The following GDAP1 variants were observed in gnomAD, a reference collection of about 807,000 sequenced individuals.
The protein encoded by GDAP1 is ganglioside-induced differentiation-associated protein 1.
A neutral mutation model predicts 40.1 loss-of-function variants in GDAP1; 34 were observed. That is an observed-to-expected ratio of 0.85 (90% CI 0.64 to 1.13). GDAP1 has a LOEUF of 1.13. GDAP1 is among the 50% of genes most tolerant of loss of function. GDAP1 has a pLI of 0.00. For missense variants in GDAP1, 374 were observed against 433.7 expected (o/e 0.86, Z 1.22); for synonymous variants, 170 against 157.4 (o/e 1.08, Z -0.60).
intron 2 of GDAP1, among the ~76,000 whole-genome samples, chr8:74,448,774 C>T (rs1004662634): frequency 1.4e-4 from 21 of 151,932 alleles, no homozygotes; most frequent in African/African-American, 3.1e-4. Context: ...TTAAGAATTA[C>T]GTAGTCTGTT....
intron 2 of GDAP1, among the ~76,000 whole-genome samples, chr8:74,418,905 A>G (rs1439065962): frequency 6.6e-6 from 1 of 152,254 alleles, no homozygotes; most frequent in Non-Finnish European, 1.5e-5. Context: ...GAGGATATAC[A>G]GATAGCAAAT....
intron 1 of GDAP1, among the ~76,000 whole-genome samples, 190 bp downstream of exon 1, chr8:74,350,768 C>A (rs1305700636): frequency 2.6e-5 from 4 of 152,192 alleles, no homozygotes; most frequent in African/African-American, 9.6e-5. Flanking sequence ...CGGAGATGAT[C>A]CTATGTGGCT....
chr8:74,381,285 A>G (rs1284455375), intron 2 of GDAP1, among the ~76,000 whole-genome samples: 1 of 152,206 alleles, frequency 6.6e-6, no homozygotes, highest in Non-Finnish European at 1.5e-5. Context: ...TCATGGTAGC[A>G]GAGTTCGTAA....
At chr8:74,394,527 A>G (rs777417826) in intron 2 of GDAP1, among the ~76,000 whole-genome samples, 70 of 152,132 alleles carry the variant, frequency 4.6e-4, no homozygotes, top group Non-Finnish European at 8.8e-4. Flanking sequence ...TTCACTTGGT[A>G]TCCTCTCTCT....
intron 2 of GDAP1, among the ~76,000 whole-genome samples, chr8:74,353,338 G>A (rs950887477): frequency 3.7e-4 from 56 of 152,246 alleles, no homozygotes; most frequent in African/African-American, 1.3e-3. Flanking sequence ...CTAACTTGTT[G>A]AATATCTTTC....
intron 2 of GDAP1, among the ~76,000 whole-genome samples, chr8:74,413,815 C>T (rs894528364): frequency 8.1e-5 from 12 of 148,810 alleles, no homozygotes; most frequent in Non-Finnish European, 1.8e-4. Flanking sequence ...CAATAATGCC[C>T]CCAGAGGATG....
chr8:74,364,763 C>A lies in GDAP1; in HGVS notation c.*396C>A, dbSNP rs1276381358. 1.3e-5 allele frequency: 6 copies of A among 458,888 alleles called. No individual in the cohort carries two copies. The Admixed American group carries it at 1.4e-4, about 11-fold the overall frequency. 28.4% of individuals were successfully genotyped at this position (458,888 alleles called of 1,614,324 possible). On this transcript the variant is annotated 3_prime_UTR_variant, in exon 6 of 6. Transcript: ENST00000220822. ...GTAATTGAGAACTCTTAGGAGAGGA[C>A]TAGGGAATCACTGGGGATAGTGGGC...
At chr8:74,371,058 A>G (rs1195782483), downstream of GDAP1, among the ~76,000 whole-genome samples, 2 of 152,248 alleles carry the variant, frequency 1.3e-5, no homozygotes, top group African/African-American at 4.8e-5. Context: ...CAGAAATTCA[A>G]TTGGGATATA....
At chr8:74,352,245 C>A (rs1426326060) in intron 2 of GDAP1, among the ~76,000 whole-genome samples, 2 of 152,182 alleles carry the variant, frequency 1.3e-5, no homozygotes, top group Non-Finnish European at 2.9e-5. Flanking sequence ...TAATAATAAT[C>A]CTTTGAAGTG....
chr8:74,477,708 G>T (rs1388564558), intron 2 of GDAP1, among the ~76,000 whole-genome samples: 1 of 152,134 alleles, frequency 6.6e-6, no homozygotes, highest in African/African-American at 2.4e-5. Context: ...CACTCTAATG[G>T]GTGGTGCCAG....
chr8:74,424,663 T>C (rs1025243906), intron 2 of GDAP1, among the ~76,000 whole-genome samples: 1 of 152,194 alleles, frequency 6.6e-6, no homozygotes, highest in Admixed American at 6.5e-5. Context: ...TGTATTGCAA[T>C]ATAACTAGTT....
chr8:74,396,324 A>AT (rs1037468765), intron 2 of GDAP1, among the ~76,000 whole-genome samples: 11 of 150,866 alleles, frequency 7.3e-5, no homozygotes, highest in East Asian at 1.9e-4. Context: ...TTATTTATTT[A>AT]TTTTTTTTAC....
At chr8:74,404,510 T>C (rs992593565) in intron 2 of GDAP1, among the ~76,000 whole-genome samples, 1 of 149,776 alleles carries the variant, frequency 6.7e-6, no homozygotes, top group African/African-American at 2.6e-5. Context: ...GAAGTGAATA[T>C]ACTGAGATGT....
intron 2 of GDAP1, among the ~76,000 whole-genome samples, chr8:74,455,114 A>G (rs1806319630): frequency 6.6e-6 from 1 of 152,012 alleles, no homozygotes; most frequent in African/African-American, 2.4e-5. Context: ...AAGATTCATC[A>G]TAATTCTGAG....
At chr8:74,411,140 A>G (rs1016003985) in intron 2 of GDAP1, among the ~76,000 whole-genome samples, 3 of 149,838 alleles carry the variant, frequency 2.0e-5, no homozygotes, top group Non-Finnish European at 4.4e-5. Context: ...TCCTTCTGCT[A>G]TGTTTGTAAG....
chr8:74,416,211 C>T (rs1408485316), intron 2 of GDAP1, among the ~76,000 whole-genome samples: 4 of 149,910 alleles, frequency 2.7e-5, no homozygotes, highest in Admixed American at 6.6e-5. Context: ...TGGACTTGCC[C>T]GACCCAGCCC....
At chr8:74,351,543 C>T in intron 2 of GDAP1, 77 bp downstream of exon 2, 1 of 1,038,420 alleles carries the variant, frequency 9.6e-7, no homozygotes, top group Non-Finnish European at 1.5e-6. Context: ...TTTTCTCTCT[C>T]TCCTCTCTCT....
chr8:74,449,648 AGT>A (rs1177623928), intron 2 of GDAP1, among the ~76,000 whole-genome samples: 1 of 151,822 alleles, frequency 6.6e-6, no homozygotes, highest in African/African-American at 2.4e-5. Flanking sequence ...AGTATTGGTA[AGT>A]GTATCCTGCA....
Position 74,366,198 on chromosome 8 carries a change from C to T in GDAP1, c.*1831C>T, listed in dbSNP as rs1484777067. The T allele has an allele frequency of 2.2e-6, 1 of 453,976 alleles. No homozygotes were observed. The highest frequency in any genetic ancestry group is 6.9e-4 in the Middle Eastern group (1 of 1,444). The allele number at this position is 453,976 out of a possible 1,614,324, so 28.1% of individuals were successfully genotyped here. On this transcript the variant is annotated 3_prime_UTR_variant, in exon 6 of 6. Transcript: ENST00000220822. The stretch of plus-strand genomic sequence containing the variant: ...TCCTTGTACAGTTTCTTTGGAAATA[C>T]GTTAAAGATAGTGGCAATTTCATAT...
Sources: gnomAD v4.1 joint callset for allele counts (sites outside exome capture counted in the v4.1 genomes callset) on GRCh38, gnomAD v4.1.1 for gene constraint, MANE v1.5 for transcripts, NCBI Gene and HGNC (gene_info 2026-07-23, HGNC 2026-07-21) for gene names.